The following PHF20L1 variants were observed in gnomAD, a reference collection of about 807,000 sequenced individuals.
PHF20L1 encodes the protein PHD finger protein 20 like 1, also known as PHD finger protein 20-like protein 1.
Under a neutral mutation model 125.5 loss-of-function variants are expected in PHF20L1, and 44 were observed. The ratio of observed to expected loss-of-function variants is 0.35; its 90% CI spans 0.28 to 0.45. The LOEUF (loss-of-function observed/expected upper bound fraction) is 0.45. PHF20L1 is among the 20% of genes least tolerant of loss of function. The pLI, the probability that PHF20L1 is intolerant of heterozygous loss-of-function variation, is 1.00. For synonymous variants in PHF20L1, 380 were observed against 403.1 expected, an observed-to-expected ratio of 0.94 and a Z score of 0.69; for missense variants, 1,012 against 1,217.2, an observed-to-expected ratio of 0.83 and a Z score of 2.51.
Position 132,837,711 on chromosome 8 carries a change from G to T in PHF20L1, c.2092-1G>T. ...CTGTAATACTCCTCTGTTTTCTGCAGTGTGAAGAGTGCTTGTGTTGGCAAC... is the reference window on the plus strand; with the variant it reads ...CTGTAATACTCCTCTGTTTTCTGCATTGTGAAGAGTGCTTGTGTTGGCAAC... On this transcript the variant is annotated splice_acceptor_variant, in intron 16 of 20. Transcript: ENST00000395386. LOFTEE classifies it high-confidence loss of function. The T allele has an allele frequency of 6.2e-7, 1 of 1,610,686 alleles. No homozygotes were observed. Among genetic ancestry groups the T allele is most frequent in the Non-Finnish European group, 8.5e-7 (1 of 1,177,406 alleles).
intron 8 of PHF20L1, among the ~76,000 whole-genome samples, chr8:132,805,105 T>G (rs1360925695): frequency 6.6e-6 from 1 of 151,948 alleles, no homozygotes; most frequent in Non-Finnish European, 1.5e-5. Context: ...TTTTATACAT[T>G]CTTCTACTTG....
intron 14 of PHF20L1, among the ~76,000 whole-genome samples, chr8:132,827,525 C>T (rs1241415725): frequency 6.6e-6 from 1 of 151,942 alleles, no homozygotes; most frequent in Non-Finnish European, 1.5e-5. Flanking sequence ...TACAAAATAC[C>T]TGTGAAAGTG....
chr8:132,798,695 C>A, intron 4 of PHF20L1, 77 bp from the exon 5 acceptor site: 1 of 864,344 alleles, frequency 1.2e-6, no homozygotes, highest in Non-Finnish European at 1.9e-6. Flanking sequence ...CTATACAAGT[C>A]ACTACTTGTT....
chr8:132,824,857 CCAT>C lies in PHF20L1; in HGVS notation c.1637-404_1637-402del, dbSNP rs574181174. 1.2e-3 allele frequency: 316 copies of C among 255,910 alleles called. 3 individuals are homozygous for C. In the Admixed American group the frequency reaches 0.014, roughly 11 times the overall value. The allele number at this position is 255,910 out of a possible 1,614,324, so 15.9% of individuals were successfully genotyped here. A position where few individuals can be genotyped will look rare whatever the true frequency, so the allele number is the denominator to read the frequency against. ...TTAAAGCTTATCCAAAGCAAAAAGT[CCAT>C]CAGGTTTTTTTTTTTTAAATCTCCT... On this transcript the variant is annotated intron_variant, in intron 13 of 20. Coordinates refer to ENST00000395386, the MANE Select transcript of PHF20L1 (RefSeq NM_016018.5).
chr8:132,824,005 A>G lies in PHF20L1; in HGVS notation c.1581A>G (p.Gly527=). ...ADGRGAPAAA[G]ISKTEKKVKL... The stretch of plus-strand genomic sequence containing the variant: ...ACATATTTTTCCCCTAACCCACAGG[A>G]ATATCGAAAACAGAAAAAAAAGTGA... The change falls in exon 13 of 21, where the codon GGA becomes GGG. Residue 527 remains glycine, a splice_region_variant and synonymous_variant. Coordinates refer to ENST00000395386, the MANE Select transcript of PHF20L1 (RefSeq NM_016018.5). The G allele has an allele frequency of 6.3e-7, 1 of 1,585,332 alleles. No individual in the cohort carries two copies. The highest frequency in any genetic ancestry group is 8.6e-7 in the Non-Finnish European group (1 of 1,157,018).
intron 15 of PHF20L1, among the ~76,000 whole-genome samples, chr8:132,832,655 T>C (rs1300715991): frequency 6.6e-6 from 1 of 152,040 alleles, no homozygotes; most frequent in Non-Finnish European, 1.5e-5. Flanking sequence ...ACATATATTT[T>C]TATATTCTTC....
At chr8:132,776,869 T>C (rs935701840) in intron 1 of PHF20L1, among the ~76,000 whole-genome samples, 1 of 152,240 alleles carries the variant, frequency 6.6e-6, no homozygotes, top group African/African-American at 2.4e-5. Flanking sequence ...TTATGAGTTA[T>C]GTTTTGATTA....
chr8:132,784,917 T>G (rs1830844641), intron 2 of PHF20L1, among the ~76,000 whole-genome samples: 1 of 152,186 alleles, frequency 6.6e-6, no homozygotes, highest in East Asian at 1.9e-4. Flanking sequence ...TTAGAGAGCT[T>G]GAGCAAGGTA....
Position 132,794,836 on chromosome 8 carries a change from C to T in PHF20L1, c.340+19C>T, listed in dbSNP as rs372681555. The T allele has an allele frequency of 2.0e-6, 3 of 1,487,656 alleles. No homozygotes were observed. The highest frequency in any genetic ancestry group is 4.5e-5 in the East Asian group (2 of 44,272). 92.2% of individuals were successfully genotyped at this position (1,487,656 alleles called of 1,614,324 possible). The stretch of plus-strand genomic sequence containing the variant: ...AAAGAAGGTATGTGTTTGAAATGAT[C>T]TGAGACTTAAAATTAGATTAATAGT... On this transcript the variant is annotated intron_variant, in intron 4 of 20. Transcript: ENST00000395386.
At chr8:132,776,318 A>C (rs537177113) in intron 1 of PHF20L1, among the ~76,000 whole-genome samples, 61 of 152,222 alleles carry the variant, frequency 4.0e-4, no homozygotes, top group African/African-American at 1.4e-3. Flanking sequence ...TTGATTCTAG[A>C]TGTTAGTGTA....
intron 20 of PHF20L1, 52 bp downstream of exon 20, chr8:132,844,370 T>A (rs1310051557): frequency 3.5e-6 from 5 of 1,417,250 alleles, no homozygotes; most frequent in Non-Finnish European, 4.9e-6. Context: ...TTATTGTTAC[T>A]ATGAAGAAGT....
chr8:132,828,178 T>C (rs951183438), intron 14 of PHF20L1, among the ~76,000 whole-genome samples: 3 of 152,060 alleles, frequency 2.0e-5, no homozygotes, highest in African/African-American at 7.2e-5. Context: ...TCAAAATTCT[T>C]TCTTTTATTT....
At chr8:132,815,083 T>TG in intron 10 of PHF20L1, 194 bp downstream of exon 10, 1 of 448,322 alleles carries the variant, frequency 2.2e-6, no homozygotes. Flanking sequence ...AGACTACTGC[T>TG]GGTTGAGAAT....
At chr8:132,791,277 T>TA (rs1052870845) in intron 2 of PHF20L1, among the ~76,000 whole-genome samples, 4 of 139,518 alleles carry the variant, frequency 2.9e-5, no homozygotes, top group Non-Finnish European at 4.6e-5. Context: ...TTTTTTTTTT[T>TA]AATACGGAGT....
intron 4 of PHF20L1, among the ~76,000 whole-genome samples, chr8:132,796,641 A>G (rs1287652394): frequency 2.0e-5 from 3 of 152,090 alleles, no homozygotes; most frequent in African/African-American, 4.8e-5. Context: ...CTCAGTTGTT[A>G]GGTGTGCAGG....
chr8:132,830,149 T>A (rs996156847), intron 14 of PHF20L1, among the ~76,000 whole-genome samples: 1 of 152,064 alleles, frequency 6.6e-6, no homozygotes, highest in Non-Finnish European at 1.5e-5. Flanking sequence ...TTTTCTTGCC[T>A]CTTCTAGTTT....
chr8:132,847,782 T>C lies in PHF20L1; in HGVS notation c.*1859T>C, dbSNP rs1379364729. ...CTTTGTGAAAGATCTTACTGATAAA[T>C]GAAAAGCTTTAGCAGAGGTGGTATT... On this transcript the variant is annotated 3_prime_UTR_variant, in exon 21 of 21. Transcript: ENST00000395386. 2.0e-5 allele frequency: 3 copies of C among 152,564 alleles called. No individual in the cohort carries two copies. Among genetic ancestry groups the C allele is most frequent in the East Asian group, 1.9e-4 (1 of 5,194 alleles). 9.5% of individuals were successfully genotyped at this position (152,564 alleles called of 1,614,324 possible).
intron 2 of PHF20L1, among the ~76,000 whole-genome samples, chr8:132,786,166 TATC>T (rs1344870521): frequency 1.3e-5 from 2 of 152,158 alleles, no homozygotes; most frequent in Admixed American, 6.6e-5. Context: ...TTCTGTAACA[TATC>T]ATATCCAAGA....
At chr8:132,794,888 A>G in intron 4 of PHF20L1, 71 bp downstream of exon 4, 4 of 946,942 alleles carry the variant, frequency 4.2e-6, no homozygotes, top group South Asian at 2.8e-5. Flanking sequence ...TTAAATTTTA[A>G]TTAGTGTGTG....
Sources: gnomAD v4.1 joint callset for allele counts (sites outside exome capture counted in the v4.1 genomes callset) on GRCh38, gnomAD v4.1.1 for gene constraint, MANE v1.5 for transcripts, NCBI Gene and HGNC (gene_info 2026-07-23, HGNC 2026-07-21) for gene names.